The following RGS17 variants were observed in gnomAD, a reference collection of about 807,000 sequenced individuals.
The protein encoded by RGS17 is regulator of G protein signaling 17.
Under a neutral mutation model 25.5 loss-of-function variants are expected in RGS17, and 12 were observed. The ratio of observed to expected loss-of-function variants is 0.47; its 90% confidence interval spans 0.30 to 0.76. The LOEUF (loss-of-function observed/expected upper bound fraction) is 0.76, where lower values mean the gene tolerates loss of function less well. Ranked by LOEUF, RGS17 falls within the 30% of genes least tolerant of loss-of-function variation. RGS17 has a pLI of 0.07. For synonymous variants in RGS17, 71 were observed against 76.9 expected (o/e 0.92, Z 0.40); for missense variants, 196 against 242.2 (o/e 0.81, Z 1.27).
At chr6:153,029,698 C>T (rs1316046887) in intron 2 of RGS17, among the ~76,000 whole-genome samples, 1 of 151,776 alleles carries the variant, frequency 6.6e-6, no homozygotes, top group East Asian at 1.9e-4. Flanking sequence ...TCAAGTGATT[C>T]TCCTGCCTCA....
intron 1 of RGS17, among the ~76,000 whole-genome samples, chr6:153,058,612 T>C (rs1323297445): frequency 6.6e-6 from 1 of 152,220 alleles, no homozygotes; most frequent in Non-Finnish European, 1.5e-5. Flanking sequence ...AGTTATCTGC[T>C]AAATAAGCCA....
chr6:153,087,004 C>T (rs1327041100), intron 1 of RGS17, among the ~76,000 whole-genome samples: 2 of 152,078 alleles, frequency 1.3e-5, no homozygotes, highest in Non-Finnish European at 1.5e-5. Context: ...TACAAAAGGC[C>T]GGGCACAATG....
rs533177741 is a variant in RGS17 at position 153,125,177 on chromosome 6, G to C, written c.-26+5947C>G. Among the ~76,000 whole-genome samples the C allele has an allele frequency of 3.3e-5, 5 of 152,190 alleles. No individual in the cohort carries two copies. The South Asian group carries it at 1.0e-3, about 32-fold the overall frequency. On this transcript the variant is annotated intron_variant, in intron 1 of 4. Transcript: ENST00000206262. ...GAATTATAACCTGTGTATTTCAACA[G>C]CCAATCAGCAGTACTGTACTGTGAA...
chr6:153,099,907 T>G (rs1002452743), intron 1 of RGS17, among the ~76,000 whole-genome samples: 11 of 152,218 alleles, frequency 7.2e-5, no homozygotes, highest in African/African-American at 2.4e-4. Flanking sequence ...ACTTCCAGTT[T>G]CTGTTTCAAT....
At chr6:153,056,972 T>A (rs1387376028) in intron 1 of RGS17, among the ~76,000 whole-genome samples, 2 of 151,808 alleles carry the variant, frequency 1.3e-5, no homozygotes, top group Non-Finnish European at 1.5e-5. Context: ...CTCTGATTAT[T>A]AAAAATATCT....
chr6:153,127,166 C>A (rs1777716295), intron 1 of RGS17, among the ~76,000 whole-genome samples: 1 of 152,162 alleles, frequency 6.6e-6, no homozygotes, highest in African/African-American at 2.4e-5. Context: ...AGCCGCTGAT[C>A]AGACAGGAGG....
At chr6:153,033,686 C>G (rs565398711) in intron 2 of RGS17, among the ~76,000 whole-genome samples, 1 of 151,958 alleles carries the variant, frequency 6.6e-6, no homozygotes, top group African/African-American at 2.4e-5. Flanking sequence ...CCACTGCACT[C>G]CAGCTTGGGC....
chr6:153,072,547 T>C (rs980814202), intron 1 of RGS17, among the ~76,000 whole-genome samples: 4 of 152,216 alleles, frequency 2.6e-5, no homozygotes, highest in Non-Finnish European at 5.9e-5. Context: ...TTAATATCCC[T>C]GCACATTTAA....
At chr6:153,020,673 A>G (rs1422565561) in intron 4 of RGS17, among the ~76,000 whole-genome samples, 3 of 152,228 alleles carry the variant, frequency 2.0e-5, no homozygotes, top group Admixed American at 2.0e-4. Context: ...AAGTCTAGTG[A>G]AGAAAAATGG....
intron 1 of RGS17, 23 bp from the exon 2 acceptor site, chr6:153,044,066 T>C (rs760390867): frequency 8.3e-6 from 10 of 1,202,718 alleles, no homozygotes; most frequent in Middle Eastern, 1.9e-4. Context: ...AAACAAAAAA[T>C]TGGGTATGAA....
At chr6:153,086,937 A>G (rs1215305718) in intron 1 of RGS17, among the ~76,000 whole-genome samples, 2 of 152,308 alleles carry the variant, frequency 1.3e-5, no homozygotes, top group East Asian at 1.9e-4. Context: ...AAATCAGTTC[A>G]TTACATCATC....
At position 153,020,360 on chromosome 6, in the gene RGS17, G is replaced by C. The variant is rs1170732280; in HGVS notation, c.444+3902C>G. On this transcript the variant is annotated intron_variant, in intron 4 of 4. Transcript: ENST00000206262. ...AGTAGAGATGGGGTTTCACTATGTTGGCCAGGCTGGTCTCGAATGCCCGAC... is the reference window on the plus strand; with the variant it reads ...AGTAGAGATGGGGTTTCACTATGTTCGCCAGGCTGGTCTCGAATGCCCGAC... Among the ~76,000 whole-genome samples, 3 of 150,648 alleles carry C rather than the reference G, an allele frequency of 2.0e-5. No individual in the cohort carries two copies. The East Asian group carries it at 5.9e-4, about 30-fold the overall frequency.
In RGS17 at chr6:153,120,631, C is replaced by T. The variant is rs528710266; in HGVS notation, c.-26+10493G>A. On this transcript the variant is annotated intron_variant, in intron 1 of 4. Transcript: ENST00000206262. Reference sequence around the variant, plus strand: ...GCACAGCTCCCGCCCGGTAATCCTCCGCTTAGAGAGCTTCAGCAGCACTCT... The same window carrying T: ...GCACAGCTCCCGCCCGGTAATCCTCTGCTTAGAGAGCTTCAGCAGCACTCT... Among the ~76,000 whole-genome samples the T allele has an allele frequency of 5.3e-5, 8 of 152,310 alleles. No individual in the cohort carries two copies. In the South Asian group the frequency reaches 8.3e-4, roughly 16 times the overall value.
chr6:153,057,721 T>C (rs1776579839), intron 1 of RGS17, among the ~76,000 whole-genome samples: 1 of 152,188 alleles, frequency 6.6e-6, no homozygotes, highest in South Asian at 2.1e-4. Flanking sequence ...GTAGAGTCAG[T>C]GGGAGCTTTC....
At chr6:153,064,798 A>G (rs1776685661) in intron 1 of RGS17, among the ~76,000 whole-genome samples, 1 of 152,166 alleles carries the variant, frequency 6.6e-6, no homozygotes, top group East Asian at 1.9e-4. Flanking sequence ...AAATACATAC[A>G]ATGAATGCAC....
rs1324984271 is a variant in RGS17 at position 153,007,889 on chromosome 6, C to T, written c.*3685G>A. 6.6e-6 allele frequency: 1 copy of T among 152,124 alleles called. No homozygotes were observed. The highest frequency in any genetic ancestry group is 1.9e-4 in the East Asian group (1 of 5,194). 9.4% of individuals were successfully genotyped at this position (152,124 alleles called of 1,614,324 possible). A position where few individuals can be genotyped will look rare whatever the true frequency, so the allele number is the denominator to read the frequency against. ...TACAGGCTTGAGCCACTGTGCCTGG[C>T]CAAGAAATTTTAGGTGGTTTTCAAA... On this transcript the variant is annotated 3_prime_UTR_variant, in exon 5 of 5. Coordinates refer to ENST00000206262, the MANE Select transcript of RGS17 (RefSeq NM_012419.5).
intron 4 of RGS17, among the ~76,000 whole-genome samples, chr6:153,012,193 A>G (rs650018): frequency 0.48 from 72,397 of 152,024 alleles, 17,355 homozygotes; most frequent in Middle Eastern, 0.52. Context: ...GCAAAAATTA[A>G]CATGCATATA....
intron 1 of RGS17, among the ~76,000 whole-genome samples, chr6:153,093,779 C>T (rs1183066582): frequency 6.6e-6 from 1 of 152,142 alleles, no homozygotes; most frequent in African/African-American, 2.4e-5. Flanking sequence ...TCTGGAGACT[C>T]AAAGTGCTCT....
At chr6:153,094,901 T>C (rs1777187090) in intron 1 of RGS17, among the ~76,000 whole-genome samples, 1 of 39,770 alleles carries the variant, frequency 2.5e-5, no homozygotes, top group Non-Finnish European at 5.0e-5. Flanking sequence ...ACATTTTAAA[T>C]CACTTTTTAT....
Sources: gnomAD v4.1 joint callset for allele counts (sites outside exome capture counted in the v4.1 genomes callset) on GRCh38, gnomAD v4.1.1 for gene constraint, MANE v1.5 for transcripts, NCBI Gene and HGNC (gene_info 2026-07-23, HGNC 2026-07-21) for gene names.